Variants in RGS9 observed in about 807,000 individuals in gnomAD.
RGS9 encodes the protein regulator of G protein signaling 9.
In RGS9, 78 loss-of-function variants were observed where a neutral mutation model predicts 102.0. The ratio of observed to expected loss-of-function variants is 0.76; its 90% CI spans 0.64 to 0.92. RGS9 has a LOEUF of 0.92. RGS9 is among the 40% of genes least tolerant of loss of function. The pLI is 0.00. For synonymous variants in RGS9, 353 were observed against 318.6 expected, an observed-to-expected ratio of 1.11 and a Z score of -1.15; for missense variants, 833 against 866.1, an observed-to-expected ratio of 0.96 and a Z score of 0.48.
chr17:65,176,668 C>T (rs548872893), intron 8 of RGS9, among the ~76,000 whole-genome samples: 1 of 152,252 alleles, frequency 6.6e-6, no homozygotes, highest in South Asian at 2.1e-4. Flanking sequence ...GAATGTTACC[C>T]ATCCATATGC....
At position 65,208,429 on chromosome 17, in the gene RGS9, G is replaced by A. The variant is rs144542704; in HGVS notation, c.1289+422G>A. Among the ~76,000 whole-genome samples, 161 of 152,308 alleles carry A rather than the reference G, an allele frequency of 1.1e-3. 3 individuals carry two copies. In the East Asian group the frequency reaches 0.026, roughly 24 times the overall value. On this transcript the variant is annotated intron_variant, in intron 16 of 18. Coordinates refer to ENST00000262406, the MANE Select transcript of RGS9 (RefSeq NM_003835.4). ...ATTGCACCCCAAGAGAAAATGCTCA[G>A]TGAAGGGGAAACGGACAGTAACGGG...
rs534750387 is a variant in RGS9, at chr17:65,178,255, G to A, written c.654+452G>A. On this transcript the variant is annotated intron_variant, in intron 9 of 18. Coordinates refer to ENST00000262406, the MANE Select transcript of RGS9 (RefSeq NM_003835.4). ...GATTTAACCTTAATCCACATGACAG[G>A]ACCTGGAATCTAACACTTTCTTTCA... 2.0e-5 allele frequency among the ~76,000 whole-genome samples: 3 copies of A among 152,150 alleles called. No homozygotes were observed. In the East Asian group the frequency reaches 5.8e-4, roughly 29 times the overall value.
intron 1 of RGS9, among the ~76,000 whole-genome samples, chr17:65,140,191 G>C (rs114601385): frequency 1.3e-5 from 2 of 152,188 alleles, no homozygotes; most frequent in Non-Finnish European, 1.5e-5. Flanking sequence ...AGGAGTGGTC[G>C]TTGTCTGTCA....
chr17:65,160,454 T>C, intron 4 of RGS9, 82 bp from the exon 5 acceptor site: 1 of 1,586,544 alleles, frequency 6.3e-7, no homozygotes, highest in South Asian at 1.1e-5. Context: ...GCCAAGGTGG[T>C]TGGATTTCTT....
intron 15 of RGS9, among the ~76,000 whole-genome samples, chr17:65,204,866 T>C (rs1454029722): frequency 6.6e-6 from 1 of 152,174 alleles, no homozygotes; most frequent in Non-Finnish European, 1.5e-5. Flanking sequence ...AGTGGCTTGG[T>C]CAAGGTCTCA....
intron 9 of RGS9, among the ~76,000 whole-genome samples, chr17:65,181,081 C>T (rs1346699792): frequency 6.6e-6 from 1 of 152,216 alleles, no homozygotes; most frequent in Non-Finnish European, 1.5e-5. Context: ...CATGTCTTTG[C>T]TATTGTGAAT....
At chr17:65,210,690 G>A (rs1913260549) in intron 17 of RGS9, 85 bp downstream of exon 17, 3 of 1,590,254 alleles carry the variant, frequency 1.9e-6, no homozygotes, top group Non-Finnish European at 2.6e-6. Context: ...GTGGGGTCAT[G>A]CACTTGGGAG....
chr17:65,214,283 C>CT (rs915735039), intron 17 of RGS9, among the ~76,000 whole-genome samples: 4 of 152,148 alleles, frequency 2.6e-5, no homozygotes, highest in South Asian at 2.1e-4. Flanking sequence ...TTTTAAAGAC[C>CT]TTTTTTGTGT....
chr17:65,148,067 T>C (rs143687304), intron 1 of RGS9, among the ~76,000 whole-genome samples: 1 of 152,324 alleles, frequency 6.6e-6, no homozygotes, highest in African/African-American at 2.4e-5. Context: ...GAGTAGCAAC[T>C]CCCCAGTTTC....
chr17:65,139,385 G>A (rs932396151), intron 1 of RGS9, among the ~76,000 whole-genome samples: 3 of 151,302 alleles, frequency 2.0e-5, no homozygotes, highest in Admixed American at 1.3e-4. Flanking sequence ...CACATTCCCA[G>A]CATAAAGTCC....
chr17:65,145,378 A>G (rs1910313059), intron 1 of RGS9, among the ~76,000 whole-genome samples: 1 of 149,214 alleles, frequency 6.7e-6, no homozygotes, highest in African/African-American at 2.5e-5. Flanking sequence ...GGCATGAGCC[A>G]TTGTGCCCAG....
chr17:65,181,651 G>A (rs1911890163), intron 9 of RGS9, among the ~76,000 whole-genome samples: 1 of 152,240 alleles, frequency 6.6e-6, no homozygotes, highest in African/African-American at 2.4e-5. Flanking sequence ...CTCATGGCAG[G>A]ATCACTGCCA....
At chr17:65,160,785 C>T (rs1482619498) in intron 5 of RGS9, 66 bp from the exon 6 acceptor site, 2 of 1,528,832 alleles carry the variant, frequency 1.3e-6, no homozygotes, top group Non-Finnish European at 1.8e-6. Context: ...CAGCCTCAGG[C>T]TTAGGGAGGC....
intron 12 of RGS9, 129 bp from the exon 13 acceptor site, chr17:65,196,997 A>T (rs1269855809): frequency 9.8e-6 from 7 of 713,518 alleles, no homozygotes; most frequent in African/African-American, 3.5e-5. Context: ...CTTGTGTGTT[A>T]TGCAGGGATT....
intron 1 of RGS9, among the ~76,000 whole-genome samples, chr17:65,147,234 G>A (rs1342196318): frequency 2.6e-5 from 4 of 152,132 alleles, no homozygotes; most frequent in Non-Finnish European, 5.9e-5. Context: ...GAATGTGTCC[G>A]TGCAGAGGAA....
At chr17:65,194,495 G>T (rs1912507289) in intron 12 of RGS9, among the ~76,000 whole-genome samples, 1 of 152,178 alleles carries the variant, frequency 6.6e-6, no homozygotes, top group Non-Finnish European at 1.5e-5. Flanking sequence ...CATATGTATG[G>T]CTTTGCATGT....
Position 65,201,240 on chromosome 17 carries a change from C to T in RGS9, c.977-753C>T, listed in dbSNP as rs538464719. On this transcript the variant is annotated intron_variant, in intron 13 of 18. Transcript: ENST00000262406. ...CTGGACGCTGCAGGTTAGAGAACCT[C>T]GAGTTGGAGGGAGATGAAGGATTTG... Among the ~76,000 whole-genome samples, 15 of 152,280 alleles carry T rather than the reference C, an allele frequency of 9.9e-5. No individual in the cohort carries two copies. The South Asian group carries it at 2.5e-3, about 25-fold the overall frequency.
At chr17:65,183,997 A>T (rs1379345225) in intron 9 of RGS9, among the ~76,000 whole-genome samples, 2 of 152,210 alleles carry the variant, frequency 1.3e-5, no homozygotes, top group Non-Finnish European at 2.9e-5. Flanking sequence ...GAGCATCCGG[A>T]GATTCCTTAA....
intron 1 of RGS9, among the ~76,000 whole-genome samples, 167 bp downstream of exon 1, chr17:65,137,764 T>C (rs919381734): frequency 6.6e-6 from 1 of 152,240 alleles, no homozygotes; most frequent in Non-Finnish European, 1.5e-5. Context: ...TTGATGGCTA[T>C]AATAATTAGG....
Sources: allele counts gnomAD v4.1 joint callset (sites outside exome capture counted in the v4.1 genomes callset), GRCh38; gene constraint gnomAD v4.1.1; transcripts MANE v1.5; gene names NCBI Gene and HGNC (gene_info 2026-07-23, HGNC 2026-07-21).